Variants in STK3 observed in about 807,000 individuals in gnomAD.
STK3 encodes the protein serine/threonine kinase 3, also known as serine/threonine-protein kinase 3.
STK3 carries 41 observed loss-of-function variants against 58.0 expected under a neutral mutation model. The ratio of observed to expected loss-of-function variants is 0.71; its 90% CI spans 0.55 to 0.92. The LOEUF is 0.92. Among genes scored for constraint, STK3 ranks in the 40% least tolerant of loss-of-function variants. The pLI is 0.00. For synonymous variants in STK3, 170 were observed against 191.0 expected (o/e 0.89, Z 0.91); for missense variants, 479 against 602.7 (o/e 0.79, Z 2.15).
intron 6 of STK3, among the ~76,000 whole-genome samples, chr8:98,684,066 T>C (rs1823812568): frequency 6.6e-6 from 1 of 152,198 alleles, no homozygotes; most frequent in Non-Finnish European, 1.5e-5. Context: ...CAGAAACAGC[T>C]CATTCTACCC....
intron 10 of STK3, among the ~76,000 whole-genome samples, chr8:98,504,312 C>T (rs779411909): frequency 2.0e-5 from 3 of 152,164 alleles, no homozygotes; most frequent in East Asian, 1.9e-4. Context: ...CTCCTGAATA[C>T]AGCACATTGA....
intron 6 of STK3, among the ~76,000 whole-genome samples, chr8:98,616,801 G>A (rs1316949465): frequency 6.6e-6 from 1 of 150,692 alleles, no homozygotes; most frequent in African/African-American, 2.4e-5. Context: ...GGAGCACCCA[G>A]ATTCATAAAG....
chr8:98,540,472 T>A (rs1180109048), intron 9 of STK3, among the ~76,000 whole-genome samples: 1 of 152,160 alleles, frequency 6.6e-6, no homozygotes, highest in East Asian at 1.9e-4. Flanking sequence ...AGGATCCTCG[T>A]TCTATCCTAT....
At chr8:98,868,760 G>C (rs1385017924) in intron 3 of STK3, among the ~76,000 whole-genome samples, 1 of 151,922 alleles carries the variant, frequency 6.6e-6, no homozygotes, top group East Asian at 1.9e-4. Flanking sequence ...CTTGAGCTCA[G>C]GAGTTCGAGA....
chr8:98,825,700 A>C (rs1200521621), upstream of STK3: 1 of 1,040,348 alleles, frequency 9.6e-7, no homozygotes, highest in Non-Finnish European at 1.2e-6. Flanking sequence ...CCTCCCGCTT[A>C]GGAGCGCGGC....
At chr8:98,685,503 A>G (rs117471543) in intron 6 of STK3, among the ~76,000 whole-genome samples, 1,988 of 152,218 alleles carry the variant, frequency 0.013, 20 homozygotes, top group Non-Finnish European at 0.02. Flanking sequence ...AGACAAAAAT[A>G]TGTTGAAACT....
At chr8:98,717,207 G>A (rs1244735732) in intron 4 of STK3, among the ~76,000 whole-genome samples, 1 of 151,314 alleles carries the variant, frequency 6.6e-6, no homozygotes, top group African/African-American at 2.4e-5. Flanking sequence ...AAAAACCTGT[G>A]CATCCCAAGA....
chr8:98,628,723 G>C (rs1328045918), intron 6 of STK3, among the ~76,000 whole-genome samples: 1 of 150,168 alleles, frequency 6.7e-6, no homozygotes, highest in Non-Finnish European at 1.5e-5. Flanking sequence ...AACAGCTTGA[G>C]GCCAGGAGTT....
At chr8:98,930,156 G>A (rs1839954898) in intron 1 of STK3, among the ~76,000 whole-genome samples, 1 of 152,136 alleles carries the variant, frequency 6.6e-6, no homozygotes, top group African/African-American at 2.4e-5. Context: ...GTAAGCTGAG[G>A]CCTAGAGTGA....
At chr8:98,347,986 A>G in the STK3 span, among the ~76,000 whole-genome samples, 1 of 152,226 alleles carries the variant, frequency 6.6e-6, no homozygotes, top group Admixed American at 6.5e-5. Context: ...AAAAAAGTAA[A>G]CCTGATACTG....
chr8:98,826,113 G>C (rs1027703469), upstream of STK3, among the ~76,000 whole-genome samples: 1 of 152,176 alleles, frequency 6.6e-6, no homozygotes, highest in African/African-American at 2.4e-5. Context: ...GGAAGGGCAA[G>C]TCCCTCTGAG....
intron 4 of STK3, among the ~76,000 whole-genome samples, chr8:98,748,983 A>G (rs1044699815): frequency 6.6e-6 from 1 of 151,936 alleles, no homozygotes; most frequent in African/African-American, 2.4e-5. Flanking sequence ...TCACATTATT[A>G]AACAACACAC....
At chr8:98,502,975 A>T (rs572870045) in intron 10 of STK3, among the ~76,000 whole-genome samples, 1 of 152,344 alleles carries the variant, frequency 6.6e-6, no homozygotes, top group African/African-American at 2.4e-5. Flanking sequence ...TTCAGAAGGA[A>T]TGGTACCAGC....
chr8:98,804,113 C>T (rs1406426990), intron 1 of STK3, among the ~76,000 whole-genome samples: 1 of 151,946 alleles, frequency 6.6e-6, no homozygotes, highest in Non-Finnish European at 1.5e-5. Flanking sequence ...GCAATCCTCC[C>T]AACTCAGCCT....
intron 3 of STK3, among the ~76,000 whole-genome samples, chr8:98,840,461 A>G (rs1345208318): frequency 6.8e-6 from 1 of 147,942 alleles, no homozygotes; most frequent in Non-Finnish European, 1.5e-5. Context: ...AGTCTCAGCT[A>G]CTCAGGAGAC....
At chr8:98,409,522 T>A (rs575519151) in intron 3 of STK3, among the ~76,000 whole-genome samples, 3 of 152,328 alleles carry the variant, frequency 2.0e-5, no homozygotes, top group African/African-American at 7.2e-5. Context: ...TCACTGCCCA[T>A]AGACAGGTGC....
At chr8:98,467,024 C>T (rs1349944133) in intron 10 of STK3, among the ~76,000 whole-genome samples, 1 of 152,120 alleles carries the variant, frequency 6.6e-6, no homozygotes, top group African/African-American at 2.4e-5. Context: ...AAGCAGATAT[C>T]AGTGTCTATG....
At position 98,800,375 on chromosome 8, in the gene STK3, T is replaced by C. The variant is rs1265828906; in HGVS notation, c.26+25140A>G. On this transcript the variant is annotated intron_variant, in intron 1 of 10. Transcript: ENST00000419617. This position sits in a 1 kb window ranked among gnomAD's most constrained non-coding sequence, Gnocchi z 4.8. ...GTAGTTAGAGCGGTCATCGGCCAAATTCCCAACAGCAGTTGGGGTGTCCTG... is the reference window on the plus strand; with the variant it reads ...GTAGTTAGAGCGGTCATCGGCCAAACTCCCAACAGCAGTTGGGGTGTCCTG... Among the ~76,000 whole-genome samples the C allele has an allele frequency of 1.3e-5, 2 of 152,140 alleles. No individual in the cohort carries two copies. The highest frequency in any genetic ancestry group is 6.5e-5 in the Admixed American group (1 of 15,280).
chr8:98,587,408 T>C (rs1046682019), intron 7 of STK3, among the ~76,000 whole-genome samples: 1 of 152,084 alleles, frequency 6.6e-6, no homozygotes, highest in African/African-American at 2.4e-5. Context: ...TTGAGTGGTT[T>C]TGAGTGAGAT....
Sources: allele counts gnomAD v4.1 joint callset (sites outside exome capture counted in the v4.1 genomes callset), GRCh38; gene constraint gnomAD v4.1.1; non-coding constraint Gnocchi (gnomAD v3.1); transcripts MANE v1.5; gene names NCBI Gene and HGNC (gene_info 2026-07-23, HGNC 2026-07-21).